The following MIER2 variants were observed in gnomAD, a reference collection of about 807,000 sequenced individuals.
MIER2 encodes MIER family member 2, also known as mesoderm induction early response protein 2.
MIER2 carries 30 observed loss-of-function variants against 67.6 expected under a neutral mutation model. That is an observed-to-expected ratio of 0.44 (90% confidence interval 0.33 to 0.60). MIER2 has a LOEUF of 0.60. Among genes scored for constraint, MIER2 ranks in the 20% least tolerant of loss-of-function variants. The probability of loss-of-function intolerance (pLI) is 0.02; values close to 1 mark genes in which losing one functional copy is unlikely to be tolerated. For synonymous variants in MIER2, 372 were observed against 312.6 expected, an observed-to-expected ratio of 1.19 and a Z score of -2.00; for missense variants, 702 against 745.1, an observed-to-expected ratio of 0.94 and a Z score of 0.67.
At position 306,319 on chromosome 19, in the gene MIER2, G is replaced by A. The variant is rs907472913; in HGVS notation, c.*371C>T. 1 of 307,730 alleles carries A rather than the reference G, an allele frequency of 3.2e-6. No individual in the cohort carries two copies. The highest frequency in any genetic ancestry group is 6.0e-6 in the Non-Finnish European group (1 of 165,944). 19.1% of individuals were successfully genotyped at this position (307,730 alleles called of 1,614,324 possible). ...GGGCGTCCTGCCCGTCTCCCCGCCG[G>A]GGCAGTGACGCCTTCCCTCGCCTCT... On this transcript the variant is annotated 3_prime_UTR_variant, in exon 14 of 14. Transcript: ENST00000264819.
chr19:308,544 C>T lies in MIER2; in HGVS notation c.1198+33G>A. The T allele has an allele frequency of 6.4e-7, 1 of 1,556,242 alleles. No homozygotes were observed. Reference sequence around the variant, plus strand: ...ACTCACGGCTCCAGACCCGTGGCCGCCCCCAGGGCAGGAGATACTCCCCAA... The same window carrying T: ...ACTCACGGCTCCAGACCCGTGGCCGTCCCCAGGGCAGGAGATACTCCCCAA... On this transcript the variant is annotated intron_variant, in intron 12 of 13. Coordinates refer to ENST00000264819, the MANE Select transcript of MIER2 (RefSeq NM_017550.3). This position sits in a 1 kb window ranked among gnomAD's most constrained non-coding sequence, Gnocchi z 9.1.
chr19:313,431 G>A, intron 8 of MIER2, 61 bp downstream of exon 8: 1 of 1,576,376 alleles, frequency 6.3e-7, no homozygotes, highest in South Asian at 1.2e-5. Context: ...ACTGGGGTGT[G>A]AGCTCTGGCC....
chr19:344,667 A>C, intron 1 of MIER2, 107 bp downstream of exon 1: 1 of 748,256 alleles, frequency 1.3e-6, no homozygotes, highest in Non-Finnish European at 1.7e-6. Context: ...TCAGAGCTCC[A>C]GAGCGGGGCT....
In MIER2 at chr19:344,794, C is replaced by G. The variant is rs1221201122; in HGVS notation, c.-12G>C. The G allele has an allele frequency of 1.8e-5, 22 of 1,197,910 alleles. No individual in the cohort carries two copies. The highest frequency in any genetic ancestry group is 2.2e-5 in the Non-Finnish European group (21 of 965,998). The allele number at this position is 1,197,910 out of a possible 1,614,324, so 74.2% of individuals were successfully genotyped here. On this transcript the variant is annotated 5_prime_UTR_variant, in exon 1 of 14. Transcript: ENST00000264819. Reference sequence around the variant, plus strand: ...CTCACCTCCGCCATGGCCGTGTGTGCGCGGGAGGCGGTGGCCGCGCCGGGA... The same window carrying G: ...CTCACCTCCGCCATGGCCGTGTGTGGGCGGGAGGCGGTGGCCGCGCCGGGA...
At chr19:333,711 C>T (rs1024995634) in intron 3 of MIER2, among the ~76,000 whole-genome samples, 7 of 121,616 alleles carry the variant, frequency 5.8e-5, no homozygotes, top group Non-Finnish European at 6.7e-5. Flanking sequence ...TTTTTGGAGA[C>T]GGAGTCTCGC....
intron 13 of MIER2, 68 bp from the exon 14 acceptor site, chr19:306,779 T>G: frequency 6.5e-7 from 1 of 1,544,900 alleles, no homozygotes; most frequent in Non-Finnish European, 8.8e-7. Context: ...CACAGCCCAG[T>G]GCTGAGCGCT....
intron 2 of MIER2, among the ~76,000 whole-genome samples, chr19:335,059 G>A (rs1170875077): frequency 6.6e-6 from 1 of 152,216 alleles, no homozygotes; most frequent in Non-Finnish European, 1.5e-5. Flanking sequence ...AAGAAGACAT[G>A]CGATGTACAT....
intron 7 of MIER2, among the ~76,000 whole-genome samples, chr19:320,403 AAAT>A (rs1238199672): frequency 3.3e-5 from 5 of 152,068 alleles, no homozygotes; most frequent in Non-Finnish European, 7.4e-5. Context: ...ATAGATAGAT[AAAT>A]AAATAAAATT....
rs926341257 is a variant in MIER2, at chr19:326,493, G to T, written c.585+14C>A. The T allele has an allele frequency of 6.2e-7, 1 of 1,611,152 alleles. No individual in the cohort carries two copies. ...GCCGGGATGCCAGGTTGGGGAGATGGCAGAACCACGTACCTTCTTACATTT... is the reference window on the plus strand; with the variant it reads ...GCCGGGATGCCAGGTTGGGGAGATGTCAGAACCACGTACCTTCTTACATTT... On this transcript the variant is annotated intron_variant, in intron 6 of 13. Coordinates refer to ENST00000264819, the MANE Select transcript of MIER2 (RefSeq NM_017550.3).
chr19:328,546 G>A (rs1208929314), intron 3 of MIER2, among the ~76,000 whole-genome samples: 2 of 151,996 alleles, frequency 1.3e-5, no homozygotes, highest in Non-Finnish European at 1.5e-5. Flanking sequence ...CCAGGAGTTC[G>A]AGACCAGCCT....
intron 3 of MIER2, among the ~76,000 whole-genome samples, chr19:328,224 G>A (rs75214396): frequency 1.3e-5 from 2 of 152,116 alleles, no homozygotes; most frequent in East Asian, 3.9e-4. Context: ...AGGGAAGAGG[G>A]CACCACCCTG....
intron 3 of MIER2, among the ~76,000 whole-genome samples, chr19:333,606 C>T (rs1278679467): frequency 7.4e-5 from 5 of 67,684 alleles, no homozygotes; most frequent in African/African-American, 3.2e-4. Flanking sequence ...CTCCGCCTCC[C>T]AGGTTCAAGG....
chr19:317,100 AAAAC>A (rs1243650430), intron 7 of MIER2, among the ~76,000 whole-genome samples: 2 of 152,190 alleles, frequency 1.3e-5, no homozygotes, highest in Non-Finnish European at 1.5e-5. Context: ...AAAAAATTAA[AAAAC>A]AAACAACAGG....
chr19:321,510 T>G (rs1971501383), intron 7 of MIER2, among the ~76,000 whole-genome samples: 1 of 151,980 alleles, frequency 6.6e-6, no homozygotes, highest in Non-Finnish European at 1.5e-5. Flanking sequence ...CCAGGCGTGG[T>G]GGCGGGTGCC....
rs1184887205 is a variant in MIER2 at position 310,596 on chromosome 19, C to CAGGCCGGGAGCTGTAGAA, written c.984+1248_984+1249insTTCTACAGCTCCCGGCCT. On this transcript the variant is annotated intron_variant, in intron 10 of 13. Transcript: ENST00000264819. ...GAAACACGGCCGGGAGCTGCAGAAA[C>CAGGCCGGGAGCTGTAGAA]ACAGCCGGGAGCTATAGAAACACAG... is the stretch of plus-strand genomic sequence containing the variant. Among the ~76,000 whole-genome samples the CAGGCCGGGAGCTGTAGAA allele has an allele frequency of 3.0e-4, 45 of 147,998 alleles. 1 individual carries two copies. The highest frequency in any genetic ancestry group is 7.3e-4 in the African/African-American group (29 of 39,958).
chr19:321,280 A>G (rs1971489983), intron 7 of MIER2, among the ~76,000 whole-genome samples: 1 of 152,246 alleles, frequency 6.6e-6, no homozygotes, highest in Non-Finnish European at 1.5e-5. Flanking sequence ...AGATACATAC[A>G]CACAAGAGAG....
At chr19:310,692 T>TCC (rs1970951381) in intron 10 of MIER2, among the ~76,000 whole-genome samples, 3 of 83,678 alleles carry the variant, frequency 3.6e-5, no homozygotes, top group Non-Finnish European at 6.6e-5. Flanking sequence ...CCCAGAGCTA[T>TCC]AGAAACACGG....
At chr19:307,068 G>A (rs1458496784) in intron 13 of MIER2, 51 bp downstream of exon 13, 1 of 1,521,982 alleles carries the variant, frequency 6.6e-7, no homozygotes, top group Admixed American at 2.0e-5. Context: ...TGAGGGCTGG[G>A]GGGACCTGGT....
At chr19:332,172 A>G (rs1431782048) in intron 3 of MIER2, among the ~76,000 whole-genome samples, 1 of 151,928 alleles carries the variant, frequency 6.6e-6, no homozygotes, top group Non-Finnish European at 1.5e-5. Flanking sequence ...GACGTGCACC[A>G]CCACGCCTGG....
Sources: allele counts gnomAD v4.1 joint callset (sites outside exome capture counted in the v4.1 genomes callset), GRCh38; gene constraint gnomAD v4.1.1; non-coding constraint Gnocchi (gnomAD v3.1); transcripts MANE v1.5; gene names NCBI Gene and HGNC (gene_info 2026-07-23, HGNC 2026-07-21).